Variants in CHRNB3 observed in about 807,000 individuals in gnomAD.
CHRNB3 encodes neuronal acetylcholine receptor subunit beta-3.
A neutral mutation model predicts 40.6 loss-of-function variants in CHRNB3; 37 were observed. The observed-to-expected ratio is 0.91, with a 90% CI of 0.70 to 1.20. The LOEUF (loss-of-function observed/expected upper bound fraction) is 1.20, where lower values mean the gene tolerates loss of function less well. Among genes scored for constraint, CHRNB3 ranks in the 50% most tolerant of loss-of-function variants. CHRNB3 has a pLI of 0.00. For synonymous variants in CHRNB3, 207 were observed against 207.1 expected (o/e 1.00, Z 0.00); for missense variants, 505 against 551.2 (o/e 0.92, Z 0.84).
At chr8:42,717,373 C>CAAAA (rs1169333899) in intron 3 of CHRNB3, among the ~76,000 whole-genome samples, 4 of 11,200 alleles carry the variant, frequency 3.6e-4, no homozygotes, top group Non-Finnish European at 6.8e-4. Context: ...GACTCCGTCT[C>CAAAA]AAAAAAAAAA....
At chr8:42,700,120 T>C (rs1815759886) in intron 1 of CHRNB3, among the ~76,000 whole-genome samples, 1 of 151,596 alleles carries the variant, frequency 6.6e-6, no homozygotes, top group Admixed American at 6.6e-5. Flanking sequence ...TTCACGCCAT[T>C]CTCCTACCTC....
intron 3 of CHRNB3, among the ~76,000 whole-genome samples, chr8:42,716,585 TA>T (rs1816111378): frequency 6.6e-6 from 1 of 152,124 alleles, no homozygotes; most frequent in East Asian, 1.9e-4. Context: ...ATATGCAAAT[TA>T]AGAGGCAGTT....
At chr8:42,710,268 T>C (rs1815992339) in intron 2 of CHRNB3, 122 bp from the exon 3 acceptor site, 1 of 727,398 alleles carries the variant, frequency 1.4e-6, no homozygotes, top group Non-Finnish European at 2.3e-6. Flanking sequence ...CAGTGAGCTA[T>C]GGTGGCACCA....
intron 1 of CHRNB3, among the ~76,000 whole-genome samples, chr8:42,703,427 A>ATATATATATATATATATATAT (rs1815855622): frequency 2.8e-5 from 1 of 35,860 alleles, no homozygotes; most frequent in African/African-American, 5.7e-5. Flanking sequence ...TCGTCTAAAA[A>ATATATATATATATATATATAT]AAAAAAAAAT....
chr8:42,713,581 C>G (rs1260345610), intron 3 of CHRNB3, among the ~76,000 whole-genome samples: 1 of 152,112 alleles, frequency 6.6e-6, no homozygotes, highest in African/African-American at 2.4e-5. Flanking sequence ...TACACAGATA[C>G]ATTTGTAGTG....
chr8:42,736,439 G>T (rs774008576), intron 5 of CHRNB3, 45 bp from the exon 6 acceptor site: 1 of 1,608,878 alleles, frequency 6.2e-7, no homozygotes, highest in South Asian at 1.1e-5. Context: ...ATACAGAACA[G>T]TTGCTCAGTG....
Position 42,717,819 on chromosome 8 carries a change from CTT to C in CHRNB3, c.249+7408_249+7409del, listed in dbSNP as rs71550406. 6.7e-3 allele frequency among the ~76,000 whole-genome samples: 674 copies of C among 100,118 alleles called. 2 individuals are homozygous for C. Among genetic ancestry groups the C allele is most frequent in the African/African-American group, 0.025 (619 of 24,732 alleles). 65.7% of individuals were successfully genotyped at this position (100,118 alleles called of 152,430 possible). On this transcript the variant is annotated intron_variant, in intron 3 of 5. Transcript: ENST00000289957. ...GTTGCCACCTTTGAGCTTTCTCATC[CTT>C]TTTTTTTTTTTTTTTTTTTTTTGAG...
chr8:42,732,422 T>C lies in CHRNB3; in HGVS notation c.1115T>C (p.Val372Ala). The change falls in exon 5 of 6, where the codon GTC becomes GCC. Residue 372 changes from valine (V) to alanine (A), a missense_variant. By Grantham distance (64) the Val-to-Ala change is moderately conservative. Coordinates refer to ENST00000289957, the MANE Select transcript of CHRNB3 (RefSeq NM_000749.5). ...AGTCAACCAGTAGTGAAAGGCAAAGTCCTCGAAAAAAAGAAACAGAAACAG... is the reference window on the plus strand; with the variant it reads ...AGTCAACCAGTAGTGAAAGGCAAAGCCCTCGAAAAAAAGAAACAGAAACAG... ...EESQPVVKGK[V>A]LEKKKQKQLS... 3 of 1,613,634 alleles carry C rather than the reference T, an allele frequency of 1.9e-6. No individual in the cohort carries two copies. Among genetic ancestry groups the C allele is most frequent in the Non-Finnish European group, 2.5e-6 (3 of 1,179,890 alleles).
At chr8:42,703,160 A>G (rs1245368182) in intron 1 of CHRNB3, among the ~76,000 whole-genome samples, 1 of 151,990 alleles carries the variant, frequency 6.6e-6, no homozygotes, top group Non-Finnish European at 1.5e-5. Flanking sequence ...GTGGTGGCTC[A>G]TGCCTGTAAT....
At chr8:42,717,373 C>CAAA (rs1169333899) in intron 3 of CHRNB3, among the ~76,000 whole-genome samples, 3 of 11,200 alleles carry the variant, frequency 2.7e-4, no homozygotes, top group African/African-American at 5.5e-4. Context: ...GACTCCGTCT[C>CAAA]AAAAAAAAAA....
chr8:42,729,235 G>A (rs952380717), intron 3 of CHRNB3, among the ~76,000 whole-genome samples: 4 of 151,814 alleles, frequency 2.6e-5, no homozygotes, highest in African/African-American at 4.8e-5. Flanking sequence ...GTGAAACCCC[G>A]TCTCCACTAA....
At chr8:42,727,877 A>C (rs577638497) in intron 3 of CHRNB3, among the ~76,000 whole-genome samples, 7 of 152,240 alleles carry the variant, frequency 4.6e-5, no homozygotes. Flanking sequence ...ACAAACAAAC[A>C]AAAAACTACA....
At chr8:42,702,275 AATATAT>A (rs908070995) in intron 1 of CHRNB3, among the ~76,000 whole-genome samples, 1 of 151,914 alleles carries the variant, frequency 6.6e-6, no homozygotes, top group Non-Finnish European at 1.5e-5. Flanking sequence ...CCCTAAAGGA[AATATAT>A]ATATATTTAT....
rs1444690635 is a variant in CHRNB3 at position 42,712,220 on chromosome 8, TG to T, written c.249+1788del. Among the ~76,000 whole-genome samples, 3 of 152,188 alleles carry T rather than the reference TG, an allele frequency of 2.0e-5. No individual in the cohort carries two copies. The East Asian group carries it at 5.8e-4, about 29-fold the overall frequency. ...GTTGGCCAAATTGGTCTTGAACTCCTGGCCTCAGGTGATCTGCTCACCTCGG... is the reference window on the plus strand; with the variant it reads ...GTTGGCCAAATTGGTCTTGAACTCCTGCCTCAGGTGATCTGCTCACCTCGG... On this transcript the variant is annotated intron_variant, in intron 3 of 5. Coordinates refer to ENST00000289957, the MANE Select transcript of CHRNB3 (RefSeq NM_000749.5).
In CHRNB3 at chr8:42,731,930, G is replaced by A. The variant is rs749759313; in HGVS notation, c.623G>A (p.Gly208Glu). The A allele has an allele frequency of 3.7e-6, 6 of 1,613,998 alleles. No homozygotes were observed. The highest frequency in any genetic ancestry group is 2.7e-5 in the African/African-American group (2 of 74,860). ...NGEWEILNAKGMKGNRRDGVY... is the reference protein window; with the variant it reads ...NGEWEILNAKEMKGNRRDGVY... ...GAATGGGAAATACTGAACGCAAAGG[G>A]GATGAAGGGGAACAGAAGGGACGGC... The change falls in exon 5 of 6, where the codon GGG (glycine) becomes GAG (glutamate). Residue 208 changes from glycine to glutamate, a missense_variant. Physicochemically the swap from Gly to Glu is moderately conservative, Grantham distance 98. Transcript: ENST00000289957.
chr8:42,716,396 T>A (rs982424019), intron 3 of CHRNB3, among the ~76,000 whole-genome samples: 1 of 152,136 alleles, frequency 6.6e-6, no homozygotes, highest in Admixed American at 6.5e-5. Context: ...GAGAGCCTGC[T>A]CTGCACTGTG....
At chr8:42,718,672 C>CAAAAA (rs59911208) in intron 3 of CHRNB3, among the ~76,000 whole-genome samples, 1 of 82,746 alleles carries the variant, frequency 1.2e-5, no homozygotes, top group Non-Finnish European at 2.3e-5. Context: ...GACTCTGTCT[C>CAAAAA]AAAAAAAAAA....
chr8:42,716,851 G>C (rs1308487205), intron 3 of CHRNB3, among the ~76,000 whole-genome samples: 1 of 152,034 alleles, frequency 6.6e-6, no homozygotes. Context: ...ATAAAAATAA[G>C]GCAATGAGAG....
At chr8:42,725,464 C>T (rs1490937751) in intron 3 of CHRNB3, 4 of 645,134 alleles carry the variant, frequency 6.2e-6, no homozygotes, top group Non-Finnish European at 1.1e-5. Flanking sequence ...TCTGAAGATA[C>T]TTGATAAAAA....
Sources: allele counts gnomAD v4.1 joint callset (sites outside exome capture counted in the v4.1 genomes callset), GRCh38; gene constraint gnomAD v4.1.1; transcripts MANE v1.5; gene names NCBI Gene and HGNC (gene_info 2026-07-23, HGNC 2026-07-21).